Variants in ACOT13 observed in about 807,000 individuals in gnomAD.
ACOT13 encodes the protein acyl-coenzyme A thioesterase 13.
In ACOT13, 10 loss-of-function variants were observed where a neutral mutation model predicts 11.8. The observed-to-expected ratio is 0.85, with a 90% CI of 0.53 to 1.44. The LOEUF (loss-of-function observed/expected upper bound fraction) is 1.44, where lower values mean the gene tolerates loss of function less well. Among genes scored for constraint, ACOT13 ranks in the 40% most tolerant of loss-of-function variants. The pLI, the probability that ACOT13 is intolerant of heterozygous loss-of-function variation, is 0.00. For synonymous variants in ACOT13, 53 were observed against 61.0 expected (o/e 0.87, Z 0.61); for missense variants, 172 against 174.1 (o/e 0.99, Z 0.07).
intron 1 of ACOT13, among the ~76,000 whole-genome samples, chr6:24,678,713 A>C (rs1778497210): frequency 6.6e-6 from 1 of 152,132 alleles, no homozygotes; most frequent in African/African-American, 2.4e-5. Flanking sequence ...CTAACAAGGG[A>C]GTGGGGCTTT....
At chr6:24,675,193 C>T (rs1778433862) in intron 1 of ACOT13, among the ~76,000 whole-genome samples, 1 of 152,116 alleles carries the variant, frequency 6.6e-6, no homozygotes, top group African/African-American at 2.4e-5. Context: ...AGTAAACATA[C>T]ATGTGCATGT....
At chr6:24,681,709 G>C (rs193279182) in intron 1 of ACOT13, among the ~76,000 whole-genome samples, 1 of 152,206 alleles carries the variant, frequency 6.6e-6, no homozygotes, top group African/African-American at 2.4e-5. Context: ...GACTCCCTGG[G>C]TTACAGCCCA....
At chr6:24,686,457 A>G (rs1005434994) in intron 1 of ACOT13, among the ~76,000 whole-genome samples, 14 of 152,180 alleles carry the variant, frequency 9.2e-5, no homozygotes, top group African/African-American at 3.1e-4. Context: ...GTGAGGGCTC[A>G]GGAAGCTTAC....
chr6:24,677,332 T>C (rs1778471300), intron 1 of ACOT13, among the ~76,000 whole-genome samples: 1 of 152,254 alleles, frequency 6.6e-6, no homozygotes, highest in Admixed American at 6.5e-5. Flanking sequence ...GCCTGATATT[T>C]AAGTAAACGG....
chr6:24,700,803 A>G (rs1344679833), intron 2 of ACOT13: 2 of 152,204 alleles, frequency 1.3e-5, no homozygotes, highest in African/African-American at 4.8e-5. Flanking sequence ...GCAAAAATAC[A>G]TATCCTTTTT....
intron 2 of ACOT13, among the ~76,000 whole-genome samples, chr6:24,699,968 A>G (rs192847966): frequency 2.4e-4 from 36 of 152,340 alleles, no homozygotes; most frequent in African/African-American, 8.2e-4. Flanking sequence ...TGGTCTTTCA[A>G]AAGTTAGAGA....
chr6:24,688,984 T>TA (rs1778680312), intron 1 of ACOT13, among the ~76,000 whole-genome samples: 1 of 152,272 alleles, frequency 6.6e-6, no homozygotes, highest in African/African-American at 2.4e-5. Context: ...AAAGGATGCT[T>TA]AAAAGCACTG....
At chr6:24,690,821 C>T (rs1484168042) in intron 1 of ACOT13, among the ~76,000 whole-genome samples, 1 of 152,164 alleles carries the variant, frequency 6.6e-6, no homozygotes, top group Non-Finnish European at 1.5e-5. Context: ...TCGTACTCAC[C>T]TTTGGATCCT....
intron 1 of ACOT13, among the ~76,000 whole-genome samples, chr6:24,688,134 T>C (rs1778663351): frequency 1.3e-5 from 2 of 152,176 alleles, no homozygotes; most frequent in African/African-American, 2.4e-5. Context: ...TTCAAGTTCA[T>C]TGGTCATTAA....
intron 1 of ACOT13, among the ~76,000 whole-genome samples, chr6:24,679,020 C>G (rs1778501461): frequency 6.6e-6 from 1 of 152,226 alleles, no homozygotes; most frequent in Admixed American, 6.5e-5. Context: ...CCTTCGTCCC[C>G]TGGGGCAATG....
rs1453786729 is a variant in ACOT13, at chr6:24,704,229, T to C, written c.*2614T>C. 6.6e-6 allele frequency: 1 copy of C among 150,704 alleles called. No individual in the cohort carries two copies. Among genetic ancestry groups the C allele is most frequent in the Non-Finnish European group, 1.5e-5 (1 of 68,018 alleles). 9.3% of individuals were successfully genotyped at this position (150,704 alleles called of 1,614,324 possible). On this transcript the variant is annotated 3_prime_UTR_variant, in exon 3 of 3. Transcript: ENST00000230048. Reference sequence around the variant, plus strand: ...AACTCAAATAGCTCACAGGTATAAGTGTACAGAGAAAATGAAAAAAATGTG... The same window carrying C: ...AACTCAAATAGCTCACAGGTATAAGCGTACAGAGAAAATGAAAAAAATGTG...
intron 1 of ACOT13, among the ~76,000 whole-genome samples, chr6:24,693,712 A>G (rs60707509): frequency 0.071 from 10,677 of 150,288 alleles, 1,212 homozygotes; most frequent in East Asian, 0.46. Context: ...GTGAGGGGCT[A>G]TGGCAACCTG....
At chr6:24,677,360 G>T (rs9393579) in intron 1 of ACOT13, among the ~76,000 whole-genome samples, 1 of 152,008 alleles carries the variant, frequency 6.6e-6, no homozygotes, top group African/African-American at 2.4e-5. Context: ...ACAGCCACAA[G>T]TCTCCTTTAG....
chr6:24,672,980 G>A (rs1273534847), intron 1 of ACOT13, among the ~76,000 whole-genome samples: 3 of 152,112 alleles, frequency 2.0e-5, no homozygotes, highest in Non-Finnish European at 4.4e-5. Context: ...AGCTTCAATT[G>A]CTGTCAGTGT....
At chr6:24,689,605 T>C (rs1456344621) in intron 1 of ACOT13, among the ~76,000 whole-genome samples, 3 of 152,222 alleles carry the variant, frequency 2.0e-5, no homozygotes, top group African/African-American at 7.2e-5. Flanking sequence ...AAGAAAATTT[T>C]GTATACCCTG....
chr6:24,698,001 T>G lies in ACOT13; in HGVS notation c.200T>G (p.Ile67Arg), dbSNP rs1012817519. 18 of 1,613,884 alleles carry G rather than the reference T, an allele frequency of 1.1e-5. No individual in the cohort carries two copies. The highest frequency in any genetic ancestry group is 1.3e-5 in the Non-Finnish European group (15 of 1,179,928). The change falls in exon 2 of 3, where the codon ATA (isoleucine) becomes AGA (arginine). Residue 67 changes from isoleucine (I) to arginine (R), a missense_variant. By Grantham distance (97) the Ile-to-Arg change is moderately conservative. Coordinates refer to ENST00000230048, the MANE Select transcript of ACOT13 (RefSeq NM_018473.4). ...TTGACAGCCACGTTAGTAGATAACA[T>G]ATCAACAATGGCTCTGCTATGCACG... ...GGLTATLVDN[I>R]STMALLCTER... is the part of the protein sequence containing the mutation.
chr6:24,683,052 C>T (rs891907181), intron 1 of ACOT13, among the ~76,000 whole-genome samples: 2 of 152,178 alleles, frequency 1.3e-5, no homozygotes, highest in African/African-American at 4.8e-5. Flanking sequence ...CCCAGCTAGG[C>T]TTAGGGATTC....
At chr6:24,690,467 T>C (rs1778703084) in intron 1 of ACOT13, among the ~76,000 whole-genome samples, 1 of 152,220 alleles carries the variant, frequency 6.6e-6, no homozygotes, top group Non-Finnish European at 1.5e-5. Flanking sequence ...CCCACCTTTA[T>C]AGGCATTCCA....
In ACOT13 at chr6:24,667,283, C is replaced by T; in HGVS notation, c.20C>T (p.Ser7Phe). 6.2e-7 allele frequency: 1 copy of T among 1,614,216 alleles called. No individual in the cohort carries two copies. The highest frequency in any genetic ancestry group is 1.6e-4 in the Middle Eastern group (1 of 6,062). The stretch of plus-strand genomic sequence containing the variant: ...TCCACGATGACCAGCATGACTCAGT[C>T]TCTGCGGGAGGTGATAAAGGCCATG... MTSMTQ[S>F]LREVIKAMTK... The change falls in exon 1 of 3, where the codon TCT becomes TTT. Residue 7 changes from serine to phenylalanine, a missense_variant. Physicochemically the swap from Ser to Phe is radical, Grantham distance 155. Coordinates refer to ENST00000230048, the MANE Select transcript of ACOT13 (RefSeq NM_018473.4).
Sources: allele counts gnomAD v4.1 joint callset (sites outside exome capture counted in the v4.1 genomes callset), GRCh38; gene constraint gnomAD v4.1.1; transcripts MANE v1.5; gene names NCBI Gene and HGNC (gene_info 2026-07-23, HGNC 2026-07-21).